Variants in ZMIZ1 observed in about 807,000 individuals in gnomAD.
The protein encoded by ZMIZ1 is zinc finger MIZ-type containing 1, also known as zinc finger MIZ domain-containing protein 1.
In ZMIZ1, 17 loss-of-function variants were observed where a neutral mutation model predicts 113.9. The ratio of observed to expected loss-of-function variants is 0.15; its 90% CI spans 0.10 to 0.22. The LOEUF is 0.22. ZMIZ1 is among the 10% of genes least tolerant of loss of function. The probability of loss-of-function intolerance (pLI) is 1.00; values close to 1 mark genes in which losing one functional copy is unlikely to be tolerated. For missense variants in ZMIZ1, 1,059 were observed against 1,477.8 expected (o/e 0.72, Z 4.65); for synonymous variants, 607 against 603.1 (o/e 1.01, Z -0.09).
At position 79,101,772 on chromosome 10, in the gene ZMIZ1, G is replaced by A. The variant is rs147508830; in HGVS notation, c.-336-17143G>A. On this transcript the variant is annotated intron_variant, in intron 1 of 24. Coordinates refer to ENST00000334512, the MANE Select transcript of ZMIZ1 (RefSeq NM_020338.4). ...TCATCTGCCATGAAGACAGCCGTGG[G>A]GCCTCAGGGGCTGGAGCTGTTTCTC... is the stretch of plus-strand genomic sequence containing the variant. 2.3e-3 allele frequency among the ~76,000 whole-genome samples: 350 copies of A among 152,294 alleles called. 4 individuals are homozygous for A. Among genetic ancestry groups the A allele is most frequent in the Middle Eastern group, 0.01 (3 of 294 alleles).
intron 1 of ZMIZ1, among the ~76,000 whole-genome samples, chr10:79,104,950 GGTGTGTGTGTGTGTGTGTGTGTGTGT>G (rs58453718): frequency 2.1e-5 from 3 of 140,092 alleles, no homozygotes; most frequent in African/African-American, 8.0e-5. Flanking sequence ...GTTGTTGTGG[GGTGTGTGTGTGTGTGTGTGTGTGTGT>G]GTGTGTGTGT....
chr10:79,205,497 G>A (rs1240536445), intron 5 of ZMIZ1, among the ~76,000 whole-genome samples: 1 of 152,236 alleles, frequency 6.6e-6, no homozygotes, highest in Admixed American at 6.5e-5. Flanking sequence ...GCTCAAAAGA[G>A]AAACAGAGAA....
intron 7 of ZMIZ1, among the ~76,000 whole-genome samples, chr10:79,247,985 A>G (rs1850311205): frequency 6.6e-6 from 1 of 152,030 alleles, no homozygotes; most frequent in African/African-American, 2.4e-5. Context: ...TCATCTCTAA[A>G]AGGTAGACTC....
intron 2 of ZMIZ1, among the ~76,000 whole-genome samples, chr10:79,129,380 C>T (rs935310755): frequency 6.6e-5 from 10 of 152,220 alleles, no homozygotes; most frequent in African/African-American, 2.2e-4. Flanking sequence ...TGGTTGACCA[C>T]CCAAGGCCTG....
intron 5 of ZMIZ1, among the ~76,000 whole-genome samples, chr10:79,205,654 A>G (rs1014174311): frequency 1.3e-5 from 2 of 152,170 alleles, no homozygotes; most frequent in Admixed American, 6.5e-5. Flanking sequence ...ATGTGCAGCA[A>G]TGTCTCCTGG....
At chr10:79,259,778 A>G (rs944369978) in intron 7 of ZMIZ1, among the ~76,000 whole-genome samples, 6 of 151,854 alleles carry the variant, frequency 4.0e-5, no homozygotes, top group Non-Finnish European at 5.9e-5. Flanking sequence ...ACGCCCTGCT[A>G]ATTTTGTATT....
At chr10:79,311,304 G>GGGGGGGGGC in intron 24 of ZMIZ1, 120 bp downstream of exon 24, 1 of 359,152 alleles carries the variant, frequency 2.8e-6, no homozygotes, top group East Asian at 7.5e-5. Context: ...TGGGCGGTGG[G>GGGGGGGGGC]AGGGCTTCAC....
Position 79,261,570 on chromosome 10 carries a change from C to T in ZMIZ1, c.281-15611C>T, listed in dbSNP as rs573949033. 2.4e-3 allele frequency among the ~76,000 whole-genome samples: 358 copies of T among 152,298 alleles called. 3 individuals are homozygous for T. Among genetic ancestry groups the T allele is most frequent in the South Asian group, 0.012 (60 of 4,828 alleles). On this transcript the variant is annotated intron_variant, in intron 7 of 24. Coordinates refer to ENST00000334512, the MANE Select transcript of ZMIZ1 (RefSeq NM_020338.4). ...CCTACCTGGGGCTGCTTCCTAGAGCCGGCAGTGAGGCGGAGCCTGCAGGAC... is the reference window on the plus strand; with the variant it reads ...CCTACCTGGGGCTGCTTCCTAGAGCTGGCAGTGAGGCGGAGCCTGCAGGAC...
intron 11 of ZMIZ1, 93 bp downstream of exon 11, chr10:79,292,449 G>T: frequency 6.7e-7 from 1 of 1,503,280 alleles, no homozygotes; most frequent in Admixed American, 1.9e-5. Flanking sequence ...TGCTTATGGG[G>T]CCATGTGTGC....
intron 4 of ZMIZ1, among the ~76,000 whole-genome samples, chr10:79,193,430 C>T (rs904714850): frequency 5.9e-5 from 9 of 152,222 alleles, no homozygotes; most frequent in African/African-American, 1.9e-4. Context: ...CAGTGTCTCT[C>T]TGAGTCCTAG....
intron 4 of ZMIZ1, among the ~76,000 whole-genome samples, chr10:79,165,980 G>GGGCTCTCCCTGCAGCTCAGC (rs1209168160): frequency 3.9e-4 from 58 of 150,010 alleles, no homozygotes; most frequent in African/African-American, 1.4e-3. Context: ...GTGTGTGTGT[G>GGGCTCTCCCTGCAGCTCAGC]TGTGTGTGTG....
chr10:79,210,055 G>A (rs554683706), intron 6 of ZMIZ1, among the ~76,000 whole-genome samples: 3 of 151,990 alleles, frequency 2.0e-5, no homozygotes, highest in South Asian at 2.1e-4. Flanking sequence ...TTCTCCCTCC[G>A]CCCCCCCAGC....
At chr10:79,106,207 G>C (rs1843550784) in intron 1 of ZMIZ1, among the ~76,000 whole-genome samples, 1 of 152,192 alleles carries the variant, frequency 6.6e-6, no homozygotes, top group South Asian at 2.1e-4. Context: ...ACACCATCTG[G>C]CTGCTCTCTC....
At chr10:79,071,153 C>T (rs1842270463) in intron 1 of ZMIZ1, among the ~76,000 whole-genome samples, 1 of 152,208 alleles carries the variant, frequency 6.6e-6, no homozygotes, top group Admixed American at 6.5e-5. Flanking sequence ...CTGTGGAAGC[C>T]CCTGGCTCCG....
chr10:79,215,844 A>T (rs925747043), intron 6 of ZMIZ1, among the ~76,000 whole-genome samples: 2 of 152,060 alleles, frequency 1.3e-5, no homozygotes, highest in Non-Finnish European at 2.9e-5. Flanking sequence ...CACCCTAAGG[A>T]TGGTGGTACA....
intron 7 of ZMIZ1, among the ~76,000 whole-genome samples, chr10:79,249,795 G>A (rs1005938889): frequency 3.3e-5 from 5 of 152,090 alleles, no homozygotes; most frequent in Admixed American, 2.6e-4. Flanking sequence ...TGGCAGCTCT[G>A]GTGACTGCTC....
chr10:79,219,697 A>G (rs1475565355), intron 7 of ZMIZ1, among the ~76,000 whole-genome samples: 1 of 152,168 alleles, frequency 6.6e-6, no homozygotes, highest in Admixed American at 6.5e-5. Context: ...TTTCCCATGC[A>G]TTGTGTCTGT....
chr10:79,070,012 T>C (rs1453092774), intron 1 of ZMIZ1, among the ~76,000 whole-genome samples: 1 of 151,802 alleles, frequency 6.6e-6, no homozygotes, highest in Non-Finnish European at 1.5e-5. Flanking sequence ...TGCGTGTGTG[T>C]GCGCGCGCGC....
chr10:79,089,541 G>A (rs1339464487), intron 1 of ZMIZ1, among the ~76,000 whole-genome samples: 1 of 152,180 alleles, frequency 6.6e-6, no homozygotes, highest in Non-Finnish European at 1.5e-5. Flanking sequence ...AGGGGTACTG[G>A]GACTGCTGTG....
Sources: allele counts gnomAD v4.1 joint callset (sites outside exome capture counted in the v4.1 genomes callset), GRCh38; gene constraint gnomAD v4.1.1; transcripts MANE v1.5; gene names NCBI Gene and HGNC (gene_info 2026-07-23, HGNC 2026-07-21).